The following ACTR3C variants were observed in gnomAD, a reference collection of about 807,000 sequenced individuals.
ACTR3C encodes actin related protein 3C, also known as actin-related protein 3C.
A neutral mutation model predicts 26.3 loss-of-function variants in ACTR3C; 18 were observed. That is an observed-to-expected ratio of 0.68 (90% CI 0.47 to 1.01). The LOEUF is 1.01. ACTR3C is among the 50% of genes least tolerant of loss of function. The pLI is 0.00. For synonymous variants in ACTR3C, 55 were observed against 94.5 expected (o/e 0.58, Z 2.42); for missense variants, 184 against 250.7 (o/e 0.73, Z 1.80).
chr7:149,887,825 T>C, the ACTR3C span, among the ~76,000 whole-genome samples: 1 of 152,162 alleles, frequency 6.6e-6, no homozygotes, highest in Non-Finnish European at 1.5e-5. Context: ...GTCTTTCCCA[T>C]GCTATTCTTG....
At chr7:149,992,952 G>A in the ACTR3C span, among the ~76,000 whole-genome samples, 6 of 152,028 alleles carry the variant, frequency 3.9e-5, no homozygotes. Context: ...CAAACCACTA[G>A]CATAAGTGCC....
the ACTR3C span, among the ~76,000 whole-genome samples, chr7:150,036,548 C>T: frequency 2.8e-5 from 4 of 144,730 alleles, 1 homozygote; most frequent in Non-Finnish European, 4.7e-5. Context: ...TCAAAAGTTC[C>T]GGGTCCCCGA....
the ACTR3C span, among the ~76,000 whole-genome samples, chr7:150,178,948 T>C: frequency 6.7e-6 from 1 of 150,272 alleles, no homozygotes; most frequent in Non-Finnish European, 1.5e-5. Flanking sequence ...GTCATTCAGT[T>C]GGCAGCAGCA....
At chr7:150,126,257 T>C in the ACTR3C span, among the ~76,000 whole-genome samples, 4 of 152,194 alleles carry the variant, frequency 2.6e-5, no homozygotes, top group African/African-American at 9.6e-5. Context: ...TACTCTTGTG[T>C]TTGTATTTGA....
the ACTR3C span, among the ~76,000 whole-genome samples, chr7:150,129,982 A>C: frequency 1.3e-5 from 2 of 152,218 alleles, no homozygotes; most frequent in Non-Finnish European, 2.9e-5. Context: ...AAGGTAGTCA[A>C]ATAGATCAAT....
the ACTR3C span, among the ~76,000 whole-genome samples, chr7:150,127,150 AC>A: frequency 2.3e-5 from 2 of 87,468 alleles, no homozygotes; most frequent in Non-Finnish European, 5.4e-5. Flanking sequence ...ACACACACAC[AC>A]ACACACACAC....
At chr7:150,253,953 T>C (rs11980281) in intron 6 of ACTR3C, among the ~76,000 whole-genome samples, 6,626 of 152,096 alleles carry the variant, frequency 0.044, 465 homozygotes, top group African/African-American at 0.15. Context: ...TCATTGGGTA[T>C]AGACTCAGTC....
chr7:149,991,314 G>C, the ACTR3C span, among the ~76,000 whole-genome samples: 4 of 152,186 alleles, frequency 2.6e-5, no homozygotes, highest in Admixed American at 2.6e-4. Context: ...ATGAGATTTG[G>C]GTGGGCACAC....
chr7:150,233,603 TC>T, the ACTR3C span, among the ~76,000 whole-genome samples: 1 of 152,066 alleles, frequency 6.6e-6, no homozygotes, highest in East Asian at 1.9e-4. Flanking sequence ...TCAAACTTGT[TC>T]TGTTGATGAA....
chr7:149,910,334 A>T, the ACTR3C span, among the ~76,000 whole-genome samples: 1 of 152,194 alleles, frequency 6.6e-6, no homozygotes, highest in Non-Finnish European at 1.5e-5. Flanking sequence ...TCTCTTCATC[A>T]TCTCATTTCA....
At chr7:150,236,015 T>A in the ACTR3C span, among the ~76,000 whole-genome samples, 4,514 of 144,748 alleles carry the variant, frequency 0.031, 169 homozygotes, top group African/African-American at 0.077. Flanking sequence ...TGGTTAAACT[T>A]TCTACCATCT....
the ACTR3C span, among the ~76,000 whole-genome samples, chr7:149,916,805 T>C: frequency 6.6e-6 from 1 of 151,102 alleles, no homozygotes; most frequent in Non-Finnish European, 1.5e-5. Context: ...TTAACTTGTC[T>C]GAGACCTTTT....
At chr7:150,168,440 T>G in the ACTR3C span, among the ~76,000 whole-genome samples, 2 of 150,866 alleles carry the variant, frequency 1.3e-5, no homozygotes, top group Non-Finnish European at 2.9e-5. Flanking sequence ...CCAGTGGAAC[T>G]GTCTAATTGC....
intron 6 of ACTR3C, among the ~76,000 whole-genome samples, chr7:150,252,805 G>A (rs770880666): frequency 2.6e-5 from 4 of 152,052 alleles, no homozygotes; most frequent in African/African-American, 4.8e-5. Flanking sequence ...ATGTATCCTC[G>A]AATTAAATTG....
chr7:150,169,554 G>A, the ACTR3C span, among the ~76,000 whole-genome samples: 1 of 150,328 alleles, frequency 6.7e-6, no homozygotes, highest in Non-Finnish European at 1.5e-5. Context: ...TTCCAGAACT[G>A]TGGGAAAAAA....
At chr7:150,173,329 A>C in the ACTR3C span, among the ~76,000 whole-genome samples, 1 of 146,936 alleles carries the variant, frequency 6.8e-6, no homozygotes, top group African/African-American at 2.7e-5. Flanking sequence ...CACCATGTGG[A>C]AGCTGCCAAG....
chr7:149,897,568 A>G, the ACTR3C span, among the ~76,000 whole-genome samples: 5 of 152,170 alleles, frequency 3.3e-5, no homozygotes, highest in Non-Finnish European at 5.9e-5. Flanking sequence ...CAACACAGCT[A>G]TAAGAGTGAA....
At chr7:150,199,733 A>AAAAAC in the ACTR3C span, among the ~76,000 whole-genome samples, 2 of 134,860 alleles carry the variant, frequency 1.5e-5, no homozygotes, top group Admixed American at 7.1e-5. Flanking sequence ...ATCAAAAAAA[A>AAAAAC]AAAAAAAAAA....
chr7:149,953,559 AT>A, the ACTR3C span, among the ~76,000 whole-genome samples: 3 of 152,056 alleles, frequency 2.0e-5, no homozygotes. Context: ...GTTTACTGCA[AT>A]TCACCTCCTT....
Sources: gnomAD v4.1 joint callset for allele counts (sites outside exome capture counted in the v4.1 genomes callset) on GRCh38, gnomAD v4.1.1 for gene constraint, MANE v1.5 for transcripts, NCBI Gene and HGNC (gene_info 2026-07-23, HGNC 2026-07-21) for gene names.